Variants in WWOX observed in about 807,000 individuals in gnomAD.
WWOX encodes WW domain containing oxidoreductase.
A neutral mutation model predicts 46.2 loss-of-function variants in WWOX; 69 were observed. The ratio of observed to expected loss-of-function variants is 1.49; its 90% CI spans 1.23 to 1.82. The LOEUF (loss-of-function observed/expected upper bound fraction) is 1.82. WWOX is among the 40% of genes most tolerant of loss of function. The pLI is 0.00. For missense variants in WWOX, 919 were observed against 542.6 expected (o/e 1.69, Z -6.89); for synonymous variants, 359 against 202.6 (o/e 1.77, Z -6.56).
intron 8 of WWOX, among the ~76,000 whole-genome samples, chr16:79,193,079 C>G (rs1472044651): frequency 1.3e-5 from 2 of 152,234 alleles, no homozygotes; most frequent in African/African-American, 4.8e-5. Flanking sequence ...TCTTTGACCT[C>G]TGTGATCCCA....
chr16:78,667,960 C>A (rs986004488), intron 8 of WWOX, among the ~76,000 whole-genome samples: 1 of 152,088 alleles, frequency 6.6e-6, no homozygotes, highest in African/African-American at 2.4e-5. Context: ...AGCCAAAGCT[C>A]TTCTTAAATA....
chr16:78,666,766 C>A (rs539141946), intron 8 of WWOX, among the ~76,000 whole-genome samples: 1 of 152,222 alleles, frequency 6.6e-6, no homozygotes, highest in East Asian at 1.9e-4. Flanking sequence ...TGTGTTCTTT[C>A]CTGGAGAGAT....
At chr16:78,817,169 ATTCTTTTTTTT>A (rs1476412462) in intron 8 of WWOX, among the ~76,000 whole-genome samples, 18 of 26,598 alleles carry the variant, frequency 6.8e-4, no homozygotes, top group Non-Finnish European at 1.3e-3. Context: ...CATTAGTGCT[ATTCTTTTTTTT>A]TTTTTTTTTT....
intron 7 of WWOX, among the ~76,000 whole-genome samples, chr16:78,426,115 G>A (rs1324290849): frequency 1.3e-5 from 2 of 152,156 alleles, no homozygotes; most frequent in Non-Finnish European, 2.9e-5. Flanking sequence ...GTAAATGCCA[G>A]TAATAATCCT....
intron 5 of WWOX, among the ~76,000 whole-genome samples, chr16:78,339,084 A>G (rs72792401): frequency 0.11 from 13,649 of 119,764 alleles, 4,123 homozygotes; most frequent in East Asian, 0.22. Flanking sequence ...TTGGTGCCCC[A>G]TGATGATGTG....
intron 8 of WWOX, among the ~76,000 whole-genome samples, chr16:79,053,869 C>A (rs548041210): frequency 1.3e-5 from 2 of 152,204 alleles, no homozygotes; most frequent in South Asian, 2.1e-4. Flanking sequence ...CCCGAAAACT[C>A]CAGTAAGCAA....
chr16:78,120,298 C>T (rs1190484054), intron 4 of WWOX, among the ~76,000 whole-genome samples: 2 of 152,140 alleles, frequency 1.3e-5, no homozygotes, highest in African/African-American at 2.4e-5. Flanking sequence ...CAGCCGGGCG[C>T]GGTGGCTCAC....
In WWOX at chr16:78,780,246, G is replaced by T. The variant is rs184498181; in HGVS notation, c.1056+347494G>T. 2.2e-4 allele frequency among the ~76,000 whole-genome samples: 33 copies of T among 152,218 alleles called. No individual in the cohort carries two copies. The East Asian group carries it at 5.4e-3, about 25-fold the overall frequency. On this transcript the variant is annotated intron_variant, in intron 8 of 8. Coordinates refer to ENST00000566780, the MANE Select transcript of WWOX (RefSeq NM_016373.4). The stretch of plus-strand genomic sequence containing the variant: ...ACCATTCTTAACATCTCTGGAAGCT[G>T]GGGGTCAGGAGAGGGAGATCCATAA...
At chr16:79,080,016 C>T (rs946904532) in intron 8 of WWOX, among the ~76,000 whole-genome samples, 24 of 152,148 alleles carry the variant, frequency 1.6e-4, no homozygotes, top group African/African-American at 5.1e-4. Context: ...TACGATACCA[C>T]GCACTGCTTT....
intron 8 of WWOX, among the ~76,000 whole-genome samples, chr16:78,936,926 A>G (rs949175128): frequency 1.3e-5 from 2 of 152,178 alleles, no homozygotes; most frequent in Non-Finnish European, 2.9e-5. Context: ...GGAGTTTTTC[A>G]TGGTTAAATC....
intron 4 of WWOX, among the ~76,000 whole-genome samples, chr16:78,115,637 G>A (rs542635277): frequency 5.3e-5 from 8 of 152,274 alleles, no homozygotes; most frequent in African/African-American, 1.7e-4. Context: ...TGGAGAATGA[G>A]TTCCTGTCTT....
At chr16:78,943,392 T>A (rs73584234) in intron 8 of WWOX, among the ~76,000 whole-genome samples, 10,369 of 152,042 alleles carry the variant, frequency 0.068, 1,064 homozygotes, top group African/African-American at 0.21. Context: ...TCCGACTGCA[T>A]CGCCACTCCC....
chr16:78,379,938 A>G (rs934851361), intron 5 of WWOX, among the ~76,000 whole-genome samples: 3 of 152,352 alleles, frequency 2.0e-5, no homozygotes, highest in South Asian at 4.2e-4. Flanking sequence ...GATGGAGAGG[A>G]GAAAAGAAAA....
chr16:79,144,336 C>T (rs550645885), intron 8 of WWOX, among the ~76,000 whole-genome samples: 23 of 152,370 alleles, frequency 1.5e-4, no homozygotes, highest in African/African-American at 5.3e-4. Context: ...AAATTAATAG[C>T]ACCTGCCTGA....
chr16:79,119,634 A>C (rs537322512), intron 8 of WWOX, among the ~76,000 whole-genome samples: 2 of 152,358 alleles, frequency 1.3e-5, no homozygotes, highest in African/African-American at 4.8e-5. Flanking sequence ...CGGCACACAC[A>C]TAGCAAATGG....
At chr16:79,207,832 C>T (rs2051570884) in intron 8 of WWOX, among the ~76,000 whole-genome samples, 1 of 151,932 alleles carries the variant, frequency 6.6e-6, no homozygotes, top group African/African-American at 2.4e-5. Flanking sequence ...AACCTCTGTA[C>T]CCTTTCCTTT....
chr16:78,947,281 CCT>C (rs2045967860), intron 8 of WWOX, among the ~76,000 whole-genome samples: 1 of 152,132 alleles, frequency 6.6e-6, no homozygotes, highest in South Asian at 2.1e-4. Flanking sequence ...TTTTTAACTC[CCT>C]GTTTCTGCCT....
intron 6 of WWOX, among the ~76,000 whole-genome samples, chr16:78,405,552 A>G (rs1597177578): frequency 6.6e-6 from 1 of 152,310 alleles, no homozygotes; most frequent in South Asian, 2.1e-4. Flanking sequence ...GACATTCTCT[A>G]CCAGACATAT....
chr16:78,395,529 G>T, intron 6 of WWOX, among the ~76,000 whole-genome samples: 1 of 152,134 alleles, frequency 6.6e-6, no homozygotes. Flanking sequence ...AAAGGAAAAA[G>T]AGAGAGAAGG....
Sources: allele counts gnomAD v4.1 joint callset (sites outside exome capture counted in the v4.1 genomes callset), GRCh38; gene constraint gnomAD v4.1.1; transcripts MANE v1.5; gene names NCBI Gene and HGNC (gene_info 2026-07-23, HGNC 2026-07-21).